SPAST: variants seen among roughly 807,000 people sequenced by gnomAD.
SPAST encodes the protein spastin, also known as spastic paraplegia 4 (autosomal dominant; spastin).
In SPAST, 30 loss-of-function variants were observed where a neutral mutation model predicts 76.6. That is an observed-to-expected ratio of 0.39 (90% CI 0.29 to 0.53). The LOEUF is 0.53. Ranked by LOEUF, SPAST falls within the 20% of genes least tolerant of loss-of-function variation. The pLI is 0.68. For synonymous variants in SPAST, 305 were observed against 281.0 expected (o/e 1.09, Z -0.86); for missense variants, 717 against 770.5 (o/e 0.93, Z 0.82).
chr2:32,135,618 C>G (rs1385430969), intron 9 of SPAST, among the ~76,000 whole-genome samples: 1 of 151,978 alleles, frequency 6.6e-6, no homozygotes, highest in Non-Finnish European at 1.5e-5. Flanking sequence ...GGGAATGTCT[C>G]AAGGGGTGTT....
Position 32,154,529 on chromosome 2 carries a change from A to G in SPAST, c.*33A>G, listed in dbSNP as rs1680190971. 6.2e-7 allele frequency: 1 copy of G among 1,609,812 alleles called. No individual in the cohort carries two copies. Among genetic ancestry groups the G allele is most frequent in the Non-Finnish European group, 8.5e-7 (1 of 1,176,312 alleles). Reference sequence around the variant, plus strand: ...CCTTTGTAAACCTGCAGAACATTTTACTTAAAAGAGGAAACACAAGATCTT... The same window carrying G: ...CCTTTGTAAACCTGCAGAACATTTTGCTTAAAAGAGGAAACACAAGATCTT... On this transcript the variant is annotated 3_prime_UTR_variant, in exon 17 of 17. Transcript: ENST00000315285.
intron 12 of SPAST, 123 bp from the exon 13 acceptor site, chr2:32,141,781 G>T: frequency 1.4e-6 from 1 of 719,484 alleles, no homozygotes; most frequent in Non-Finnish European, 2.3e-6. Context: ...TTTTTACATT[G>T]ATAACTACCA....
intron 12 of SPAST, among the ~76,000 whole-genome samples, chr2:32,138,115 C>A (rs1005753384): frequency 2.6e-5 from 4 of 152,156 alleles, no homozygotes; most frequent in African/African-American, 9.7e-5. Context: ...AATAGTACAG[C>A]AATAAACATG....
At chr2:32,081,723 G>A (rs994164443) in intron 1 of SPAST, among the ~76,000 whole-genome samples, 1 of 135,326 alleles carries the variant, frequency 7.4e-6, no homozygotes, top group African/African-American at 2.8e-5. Flanking sequence ...GGCAGAGGTT[G>A]CAGTAAGCCG....
rs144408976 is a variant in SPAST at position 32,066,868 on chromosome 2, G to A, written c.415+2622G>A. Among the ~76,000 whole-genome samples, 20 of 151,802 alleles carry A rather than the reference G, an allele frequency of 1.3e-4. No homozygotes were observed. The East Asian group carries it at 3.9e-3, about 29-fold the overall frequency. Reference sequence around the variant, plus strand: ...AAATGCCTGTAGTCCCAGCTACTTGGGGGGCTGAGGTAGGAGGATCACTTG... The same window carrying A: ...AAATGCCTGTAGTCCCAGCTACTTGAGGGGCTGAGGTAGGAGGATCACTTG... On this transcript the variant is annotated intron_variant, in intron 1 of 16. Transcript: ENST00000315285.
intron 4 of SPAST, among the ~76,000 whole-genome samples, chr2:32,101,581 T>G (rs1437497238): frequency 6.6e-6 from 1 of 152,210 alleles, no homozygotes; most frequent in Non-Finnish European, 1.5e-5. Flanking sequence ...TTGCCTAGAT[T>G]TTCTTCTAGG....
chr2:32,075,399 C>T (rs1209269999), intron 1 of SPAST, among the ~76,000 whole-genome samples: 1 of 135,224 alleles, frequency 7.4e-6, no homozygotes, highest in Non-Finnish European at 1.5e-5. Context: ...GCACCCCAGC[C>T]TGGGCCACAG....
intron 1 of SPAST, among the ~76,000 whole-genome samples, chr2:32,074,432 T>C (rs1224654783): frequency 6.6e-6 from 1 of 152,142 alleles, no homozygotes; most frequent in Non-Finnish European, 1.5e-5. Context: ...CCAGGTCAAA[T>C]ACCAAGGTTT....
rs759236371 is a variant in SPAST, at chr2:32,063,843, G to T, written c.12G>T (p.Pro4=). Residue 4 remains proline (P), a synonymous_variant, in exon 1 of 17, where the codon CCG becomes CCT. Transcript: ENST00000315285. The stretch of plus-strand genomic sequence containing the variant: ...AGTGAGAGCTGTGAATGAATTCTCC[G>T]GGTGGACGAGGGAAGAAGAAAGGCT... The part of the protein sequence containing the change: MNS[P]GGRGKKKGSG... The T allele has an allele frequency of 1.3e-6, 2 of 1,577,590 alleles. No individual in the cohort carries two copies. Among genetic ancestry groups the T allele is most frequent in the Admixed American group, 3.6e-5 (2 of 55,314 alleles).
chr2:32,115,418 AACAT>A (rs1289373535), intron 5 of SPAST, among the ~76,000 whole-genome samples: 1 of 152,178 alleles, frequency 6.6e-6, no homozygotes, highest in African/African-American at 2.4e-5. Flanking sequence ...TTATACCAGT[AACAT>A]ACCTAGAGTT....
chr2:32,124,642 A>G (rs1177938164), intron 7 of SPAST, among the ~76,000 whole-genome samples: 4 of 152,218 alleles, frequency 2.6e-5, no homozygotes, highest in African/African-American at 9.6e-5. Flanking sequence ...GAAGCAGTCA[A>G]GGCATCCATA....
intron 1 of SPAST, among the ~76,000 whole-genome samples, chr2:32,073,647 C>G (rs1004025488): frequency 1.3e-5 from 2 of 152,084 alleles, no homozygotes; most frequent in African/African-American, 4.8e-5. Flanking sequence ...TCACTCTTGA[C>G]CTATAATAGT....
intron 1 of SPAST, among the ~76,000 whole-genome samples, chr2:32,074,033 C>G (rs1157886699): frequency 6.6e-6 from 1 of 152,082 alleles, no homozygotes; most frequent in African/African-American, 2.4e-5. Flanking sequence ...CCACTGTAGC[C>G]AGGGAGAACA....
intron 1 of SPAST, among the ~76,000 whole-genome samples, chr2:32,066,632 C>T (rs1376356389): frequency 6.6e-6 from 1 of 151,724 alleles, no homozygotes; most frequent in African/African-American, 2.4e-5. Context: ...CGTGCCACTA[C>T]ACTCCAGCCT....
chr2:32,083,746 TATACTATATATA>T (rs1558620064), intron 1 of SPAST, among the ~76,000 whole-genome samples: 3 of 59,564 alleles, frequency 5.0e-5, no homozygotes, highest in African/African-American at 6.4e-5. Context: ...TATATTTATA[TATACTATATATA>T]TATATATATA....
intron 1 of SPAST, among the ~76,000 whole-genome samples, chr2:32,065,307 C>A (rs569835814): frequency 6.7e-4 from 102 of 152,182 alleles, no homozygotes; most frequent in African/African-American, 1.9e-3. Flanking sequence ...CATGAGCCAC[C>A]GCGCCTGGCC....
At chr2:32,110,762 TATAGTATAC>T (rs1344205389) in intron 4 of SPAST, among the ~76,000 whole-genome samples, 2 of 113,590 alleles carry the variant, frequency 1.8e-5, no homozygotes, top group African/African-American at 3.5e-5. Context: ...GTATAGTATA[TATAGTATAC>T]ATAGTATACT....
intron 7 of SPAST, among the ~76,000 whole-genome samples, chr2:32,120,313 A>G (rs1678976234): frequency 6.6e-6 from 1 of 152,108 alleles, no homozygotes; most frequent in Non-Finnish European, 1.5e-5. Flanking sequence ...GCTCCATCAT[A>G]CCACACACCT....
chr2:32,096,747 T>C (rs72796856), intron 3 of SPAST, among the ~76,000 whole-genome samples: 6,951 of 152,318 alleles, frequency 0.046, 264 homozygotes, highest in Admixed American at 0.12. Context: ...TTCACATTTA[T>C]GTACGGATGT....
Sources: allele counts gnomAD v4.1 joint callset (sites outside exome capture counted in the v4.1 genomes callset), GRCh38; gene constraint gnomAD v4.1.1; transcripts MANE v1.5; gene names NCBI Gene and HGNC (gene_info 2026-07-23, HGNC 2026-07-21).